IL12RB2: variants seen among roughly 807,000 people sequenced by gnomAD.
The protein encoded by IL12RB2 is interleukin 12 receptor subunit beta 2.
In IL12RB2, 82 loss-of-function variants were observed where a neutral mutation model predicts 89.4. That is an observed-to-expected ratio of 0.92 (90% CI 0.77 to 1.10). The LOEUF is 1.10. Among genes scored for constraint, IL12RB2 ranks in the 50% least tolerant of loss-of-function variants. The probability of loss-of-function intolerance (pLI) is 0.00; values close to 1 mark genes in which losing one functional copy is unlikely to be tolerated. For missense variants in IL12RB2, 963 were observed against 1,031.9 expected, an observed-to-expected ratio of 0.93 and a Z score of 0.92; for synonymous variants, 368 against 370.1, an observed-to-expected ratio of 0.99 and a Z score of 0.07.
intron 5 of IL12RB2, 125 bp from the exon 6 acceptor site, chr1:67,328,075 G>T: frequency 1.3e-6 from 1 of 760,840 alleles, no homozygotes; most frequent in Non-Finnish European, 2.3e-6. Context: ...GTATCCCCTA[G>T]TCATAAGATT....
intron 1 of IL12RB2, among the ~76,000 whole-genome samples, chr1:67,308,243 G>T (rs542747630): frequency 1.3e-5 from 2 of 152,158 alleles, no homozygotes; most frequent in Admixed American, 1.3e-4. Context: ...GAGGGAGCGC[G>T]CGGACTGAGC....
At chr1:67,352,520 CACA>C (rs748905459) in intron 10 of IL12RB2, among the ~76,000 whole-genome samples, 82 of 152,282 alleles carry the variant, frequency 5.4e-4, no homozygotes, top group Non-Finnish European at 8.5e-4. Flanking sequence ...CCCCAGGTCT[CACA>C]ACAACACTTG....
intron 1 of IL12RB2, among the ~76,000 whole-genome samples, chr1:67,310,888 C>T (rs10128095): frequency 6.6e-6 from 1 of 151,946 alleles, no homozygotes; most frequent in Non-Finnish European, 1.5e-5. Context: ...GTATGCCCAG[C>T]TAATTTTTGT....
At chr1:67,370,705 G>A (rs1358250191) in intron 11 of IL12RB2, among the ~76,000 whole-genome samples, 1 of 152,254 alleles carries the variant, frequency 6.6e-6, no homozygotes, top group Admixed American at 6.5e-5. Flanking sequence ...TACACTGAAG[G>A]TTTTGAGATG....
chr1:67,378,319 T>C (rs1377090588), intron 13 of IL12RB2, among the ~76,000 whole-genome samples: 1 of 152,164 alleles, frequency 6.6e-6, no homozygotes. Flanking sequence ...CCTACACTCA[T>C]GTTTCTTAGA....
At chr1:67,326,257 T>G (rs534753770) in intron 4 of IL12RB2, among the ~76,000 whole-genome samples, 1 of 152,242 alleles carries the variant, frequency 6.6e-6, no homozygotes, top group East Asian at 1.9e-4. Flanking sequence ...AGAAATTAAT[T>G]TATTATTACC....
intron 3 of IL12RB2, 86 bp downstream of exon 3, chr1:67,320,530 T>A: frequency 6.3e-7 from 1 of 1,599,616 alleles, no homozygotes; most frequent in Non-Finnish European, 8.5e-7. Flanking sequence ...GTGGTAAATG[T>A]TCTGGTAGTT....
chr1:67,395,270 G>GAAA (rs577998192), intron 16 of IL12RB2, among the ~76,000 whole-genome samples: 14 of 126,978 alleles, frequency 1.1e-4, no homozygotes, highest in Admixed American at 9.6e-4. Context: ...TTCGTCTCAA[G>GAAA]AAAAAAAAAA....
Position 67,395,799 on chromosome 1 carries a change from TACAA to T in IL12RB2, c.2300_2303del (p.Tyr767TrpfsTer38). On this transcript the variant is annotated frameshift_variant, in exon 17 of 17. Transcript: ENST00000674203. LOFTEE classifies it low-confidence loss of function (END_TRUNC). ...TGAGAGCAGACAACTGGTGGATCTGTACAAGGTGCTGGAGAGCAGGGGCTCCGAC... is the reference window on the plus strand; with the variant it reads ...TGAGAGCAGACAACTGGTGGATCTGTGGTGCTGGAGAGCAGGGGCTCCGAC... 6.2e-7 allele frequency: 1 copy of T among 1,614,048 alleles called. No homozygotes were observed. The highest frequency in any genetic ancestry group is 8.5e-7 in the Non-Finnish European group (1 of 1,179,916).
chr1:67,307,873 AGAGAGCGCG>A lies in IL12RB2; in HGVS notation c.-209_-201del. The A allele has an allele frequency of 6.6e-6, 1 of 152,180 alleles. No individual in the cohort carries two copies. The highest frequency in any genetic ancestry group is 6.5e-5 in the Admixed American group (1 of 15,298). The allele number at this position is 152,180 out of a possible 1,614,324, so 9.4% of individuals were successfully genotyped here. On this transcript the variant is annotated 5_prime_UTR_variant, in exon 1 of 17. Transcript: ENST00000674203. ...GCACCGGGAACGCCCGAGCGCCGGC[AGAGAGCGCG>A]GAGAGCGCGACACGTGCGGCCCAGA...
rs549837313 is a variant in IL12RB2 at position 67,390,029 on chromosome 1, G to C, written c.1947G>C (p.Lys649Asn). 238 of 1,134,048 alleles carry C rather than the reference G, an allele frequency of 2.1e-4. 4 individuals carry two copies. The South Asian group carries it at 2.7e-3, about 13-fold the overall frequency. The allele number at this position is 1,134,048 out of a possible 1,614,324, so 70.2% of individuals were successfully genotyped here. The stretch of plus-strand genomic sequence containing the variant: ...ATGTCACTGTTTTCTTTATCTATAG[G>C]GTGTTTGTTCTCCTAGCAGCCCTCA... ...GIFSTHYFQQ[K>N]VFVLLAALRP... Residue 649 changes from lysine to asparagine, a missense_variant and splice_region_variant, in exon 16 of 17, where the codon AAG becomes AAC. Transcript: ENST00000674203.
intron 8 of IL12RB2, among the ~76,000 whole-genome samples, chr1:67,336,114 T>G (rs780176937): frequency 9.8e-4 from 150 of 152,346 alleles, no homozygotes; most frequent in Non-Finnish European, 1.9e-3. Flanking sequence ...TACAAATGTC[T>G]GGATTATCTA....
At chr1:67,350,751 A>G in intron 9 of IL12RB2, 119 bp from the exon 10 acceptor site, 1 of 1,542,454 alleles carries the variant, frequency 6.5e-7, no homozygotes, top group Non-Finnish European at 8.8e-7. Context: ...ATGAGATGAT[A>G]TGAACAAAAA....
At chr1:67,385,375 A>G (rs1665023395) in intron 14 of IL12RB2, among the ~76,000 whole-genome samples, 2 of 152,218 alleles carry the variant, frequency 1.3e-5, no homozygotes, top group South Asian at 4.1e-4. Flanking sequence ...TGAGAAGAGT[A>G]GCATGGGGTA....
intron 10 of IL12RB2, among the ~76,000 whole-genome samples, chr1:67,364,128 C>G (rs573508550): frequency 4.6e-5 from 7 of 152,190 alleles, no homozygotes; most frequent in Non-Finnish European, 8.8e-5. Flanking sequence ...CAGTGGCTCA[C>G]GCCTGTAATC....
chr1:67,336,724 A>G (rs1169674334), intron 8 of IL12RB2, among the ~76,000 whole-genome samples: 1 of 152,262 alleles, frequency 6.6e-6, no homozygotes, highest in African/African-American at 2.4e-5. Context: ...AGAAACCATT[A>G]GCTTTCTCAG....
chr1:67,349,356 A>C (rs1263896651), intron 9 of IL12RB2, among the ~76,000 whole-genome samples: 1 of 152,156 alleles, frequency 6.6e-6, no homozygotes, highest in Non-Finnish European at 1.5e-5. Flanking sequence ...CTGGACTTGC[A>C]GAAGAGACAC....
At chr1:67,340,579 G>T (rs1659415136) in intron 9 of IL12RB2, among the ~76,000 whole-genome samples, 1 of 152,206 alleles carries the variant, frequency 6.6e-6, no homozygotes, top group Admixed American at 6.5e-5. Flanking sequence ...CAAATGAGAG[G>T]ACACAAATGT....
chr1:67,349,253 C>A (rs1660568680), intron 9 of IL12RB2, among the ~76,000 whole-genome samples: 1 of 152,044 alleles, frequency 6.6e-6, no homozygotes, highest in Admixed American at 6.6e-5. Context: ...GGGTCCCTGG[C>A]CAGAAATAAG....
Sources: gnomAD v4.1 joint callset for allele counts (sites outside exome capture counted in the v4.1 genomes callset) on GRCh38, gnomAD v4.1.1 for gene constraint, MANE v1.5 for transcripts, NCBI Gene and HGNC (gene_info 2026-07-23, HGNC 2026-07-21) for gene names.